The following AXIN1 variants were observed in gnomAD, a reference collection of about 807,000 sequenced individuals.
The protein encoded by AXIN1 is axin 1, also known as axin-1.
AXIN1 carries 30 observed loss-of-function variants against 76.4 expected under a neutral mutation model. The ratio of observed to expected loss-of-function variants is 0.39; its 90% confidence interval spans 0.29 to 0.53. The LOEUF is 0.53. AXIN1 is among the 20% of genes least tolerant of loss of function. The pLI is 0.66. For synonymous variants in AXIN1, 545 were observed against 501.4 expected (o/e 1.09, Z -1.16); for missense variants, 1,140 against 1,198.8 (o/e 0.95, Z 0.72).
chr16:297,180 A>C lies in AXIN1; in HGVS notation c.1831T>G (p.Ser611Ala), dbSNP rs2141503752. Residue 611 changes from serine to alanine, a missense_variant, in exon 7 of 11, where the codon TCG becomes GCG. By Grantham distance (99) the Ser-to-Ala change is moderately conservative. This residue lies in a region of AXIN1 where 429 missense variants were observed against 405.8 expected (regional missense o/e 1.06). Transcript: ENST00000262320. ...ACCTCGGTGCTGGCGCTCTTCCCCG[A>C]CTCAGCCTTCTTGGCATTTCTTTTG... is the stretch of plus-strand genomic sequence containing the variant. ...ACKRNAKKAE[S>A]GKSASTEVPG... The C allele has an allele frequency of 6.2e-7, 1 of 1,610,886 alleles. No homozygotes were observed. The highest frequency in any genetic ancestry group is 8.5e-7 in the Non-Finnish European group (1 of 1,179,908).
chr16:296,042 G>A (rs2141497237), intron 7 of AXIN1, among the ~76,000 whole-genome samples: 1 of 152,308 alleles, frequency 6.6e-6, no homozygotes, highest in South Asian at 2.1e-4. Context: ...AAGGTGGGAG[G>A]ATCACTTGAG....
At chr16:292,406 G>A (rs997572250) in intron 8 of AXIN1, 1 of 152,296 alleles carries the variant, frequency 6.6e-6, no homozygotes, top group South Asian at 2.1e-4. Context: ...CAGAAGCTCA[G>A]GAACCTTTAA....
intron 2 of AXIN1, among the ~76,000 whole-genome samples, chr16:344,152 G>A (rs1417539080): frequency 6.6e-6 from 1 of 152,032 alleles, no homozygotes; most frequent in East Asian, 1.9e-4. Context: ...GGGAAAAAAG[G>A]CCGGGCGTGG....
At chr16:298,274 A>G in intron 5 of AXIN1, 23 bp from the exon 6 acceptor site, 1 of 1,537,466 alleles carries the variant, frequency 6.5e-7, no homozygotes, top group Non-Finnish European at 8.7e-7. Flanking sequence ...AAGCAGCACC[A>G]TCACCTCTCA....
In AXIN1 at chr16:293,244, TCCAGAG is replaced by T; in HGVS notation, c.2186+238_2186+243del. Reference sequence around the variant, plus strand: ...GCTCAGGTTGAGGAGGGACCCCGCCTCCAGAGCAATGAGCGCGGCGGCCTCGGGTGT... The same window carrying T: ...GCTCAGGTTGAGGAGGGACCCCGCCTCAATGAGCGCGGCGGCCTCGGGTGT... On this transcript the variant is annotated intron_variant, in intron 8 of 10. Coordinates refer to ENST00000262320, the MANE Select transcript of AXIN1 (RefSeq NM_003502.4). This position sits in a 1 kb window ranked among gnomAD's most constrained non-coding sequence, Gnocchi z 4.6. The T allele has an allele frequency of 3.5e-6, 2 of 575,842 alleles. No individual in the cohort carries two copies. The highest frequency in any genetic ancestry group is 6.2e-6 in the Non-Finnish European group (2 of 322,174). The allele number at this position is 575,842 out of a possible 1,614,324, so 35.7% of individuals were successfully genotyped here. A position where few individuals can be genotyped will look rare whatever the true frequency, so the allele number is the denominator to read the frequency against.
chr16:334,461 C>T (rs538076705), intron 2 of AXIN1, among the ~76,000 whole-genome samples: 65 of 149,678 alleles, frequency 4.3e-4, no homozygotes, highest in African/African-American at 1.6e-3. Context: ...GCCAATAATG[C>T]AGCACCCAGT....
At position 303,091 on chromosome 16, in the gene AXIN1, G is replaced by A. The variant is rs141212649; in HGVS notation, c.1254+1213C>T. Among the ~76,000 whole-genome samples, 1,520 of 152,060 alleles carry A rather than the reference G, an allele frequency of 1.0e-2. 23 individuals carry two copies. Among genetic ancestry groups the A allele is most frequent in the African/African-American group, 0.035 (1,455 of 41,478 alleles). On this transcript the variant is annotated intron_variant, in intron 5 of 10. Coordinates refer to ENST00000262320, the MANE Select transcript of AXIN1 (RefSeq NM_003502.4). The stretch of plus-strand genomic sequence containing the variant: ...TGCCCAGGCTGGGCTCAAACTCCTC[G>A]GCTCAAGTGCTTCACTCGCCTCAGC...
chr16:341,700 G>A (rs529101261), intron 2 of AXIN1, among the ~76,000 whole-genome samples: 253 of 152,372 alleles, frequency 1.7e-3, no homozygotes, highest in Admixed American at 2.9e-3. Flanking sequence ...GAAGCCAGCT[G>A]GGCTCCTGAT....
rs2141592268 is a variant in AXIN1, at chr16:314,535, G to A, written c.1019+8C>T. On this transcript the variant is annotated splice_region_variant and intron_variant, in intron 3 of 10. Transcript: ENST00000262320. ...CGTGAGGGACTGGGTATCCGGGGCG[G>A]GACTTACACGCTGCTGTCCGTGAGG... 6.2e-7 allele frequency: 1 copy of A among 1,613,486 alleles called. No homozygotes were observed. The highest frequency in any genetic ancestry group is 8.5e-7 in the Non-Finnish European group (1 of 1,179,850).
At position 346,440 on chromosome 16, in the gene AXIN1, T is replaced by G. The variant is rs746834674; in HGVS notation, c.586A>C (p.Asn196His). ...QTEIQATMEE[N>H]TYPSFLKSDI... is the part of the protein sequence containing the mutation. ...GACTTAAGGAAGGAGGGATAGGTGT[T>G]TTCCTCCATAGTGGCCTGGATTTCG... The change falls in exon 2 of 11, where the codon AAC becomes CAC. Residue 196 changes from asparagine (N) to histidine (H), a missense_variant. Physicochemically the swap from Asn to His is moderately conservative, Grantham distance 68. This residue lies in a region of AXIN1 where 708 missense variants were observed against 776.9 expected (regional missense o/e 0.91). Coordinates refer to ENST00000262320, the MANE Select transcript of AXIN1 (RefSeq NM_003502.4). 6.2e-7 allele frequency: 1 copy of G among 1,614,198 alleles called. No individual in the cohort carries two copies. The highest frequency in any genetic ancestry group is 1.1e-5 in the South Asian group (1 of 91,086).
intron 10 of AXIN1, 77 bp downstream of exon 10, chr16:289,363 C>T (rs2052486118): frequency 6.3e-7 from 1 of 1,584,262 alleles, no homozygotes; most frequent in Admixed American, 1.7e-5. Flanking sequence ...CTGTGCCCGG[C>T]TGGAAACCCT....
intron 2 of AXIN1, among the ~76,000 whole-genome samples, chr16:342,970 T>C (rs1288015602): frequency 6.6e-6 from 1 of 152,112 alleles, no homozygotes; most frequent in Non-Finnish European, 1.5e-5. Context: ...ACAAAGAGAA[T>C]GGTCTAAATG....
chr16:325,348 C>T (rs2053559302), intron 2 of AXIN1, among the ~76,000 whole-genome samples: 1 of 152,220 alleles, frequency 6.6e-6, no homozygotes, highest in Non-Finnish European at 1.5e-5. Flanking sequence ...TCTTCACTGG[C>T]ACAGGATCCT....
At chr16:329,324 C>A (rs2053646384) in intron 2 of AXIN1, among the ~76,000 whole-genome samples, 1 of 140,164 alleles carries the variant, frequency 7.1e-6, no homozygotes, top group Admixed American at 7.1e-5. Context: ...GAGTGGGTAA[C>A]ATGAATTAGG....
chr16:341,135 G>A (rs962247584), intron 2 of AXIN1, among the ~76,000 whole-genome samples: 4 of 152,256 alleles, frequency 2.6e-5, no homozygotes, highest in African/African-American at 7.2e-5. Context: ...CGCTCTCAGC[G>A]CCTCCTCTGC....
intron 2 of AXIN1, among the ~76,000 whole-genome samples, chr16:328,768 T>C (rs2141649356): frequency 6.6e-6 from 1 of 152,294 alleles, no homozygotes; most frequent in Non-Finnish European, 1.5e-5. Context: ...CTCATGATTT[T>C]GAAAGGCACA....
At chr16:338,091 C>T (rs1467985547) in intron 2 of AXIN1, among the ~76,000 whole-genome samples, 1 of 152,224 alleles carries the variant, frequency 6.6e-6, no homozygotes, top group Non-Finnish European at 1.5e-5. Context: ...ACAGGCGGCC[C>T]TCTCTCCCTG....
chr16:351,349 C>A (rs2054138860), intron 1 of AXIN1, among the ~76,000 whole-genome samples: 1 of 152,148 alleles, frequency 6.6e-6, no homozygotes, highest in Admixed American at 6.5e-5. Flanking sequence ...GTGGCTCACG[C>A]CTGTAATCCC....
chr16:316,934 C>T (rs1329364580), intron 2 of AXIN1, among the ~76,000 whole-genome samples: 1 of 152,196 alleles, frequency 6.6e-6, no homozygotes, highest in Admixed American at 6.5e-5. Flanking sequence ...GTTGGATCTC[C>T]ACAGGTCACA....
Sources: gnomAD v4.1 joint callset for allele counts (sites outside exome capture counted in the v4.1 genomes callset) on GRCh38, gnomAD v4.1.1 for gene constraint, gnomAD v4.1.1 regional missense constraint, Gnocchi (gnomAD v3.1) non-coding constraint, MANE v1.5 for transcripts, NCBI Gene and HGNC (gene_info 2026-07-23, HGNC 2026-07-21) for gene names.